Variants in DENND5A observed in about 807,000 individuals in gnomAD.
The protein encoded by DENND5A is DENN domain-containing protein 5A.
DENND5A carries 64 observed loss-of-function variants against 140.3 expected under a neutral mutation model. The observed-to-expected ratio is 0.46, with a 90% confidence interval of 0.37 to 0.56. DENND5A has a LOEUF of 0.56. DENND5A is among the 20% of genes least tolerant of loss of function. DENND5A has a pLI of 0.00. For synonymous variants in DENND5A, 605 were observed against 607.7 expected, an observed-to-expected ratio of 1.00 and a Z score of 0.07; for missense variants, 1,292 against 1,593.8, an observed-to-expected ratio of 0.81 and a Z score of 3.22.
intron 10 of DENND5A, among the ~76,000 whole-genome samples, chr11:9,167,957 T>C (rs977916645): frequency 1.3e-5 from 2 of 152,208 alleles, no homozygotes; most frequent in African/African-American, 4.8e-5. Context: ...TTGCTCCTCA[T>C]ATGGTCATTT....
intron 1 of DENND5A, among the ~76,000 whole-genome samples, chr11:9,245,681 TG>T (rs1197080572): frequency 6.6e-6 from 1 of 151,848 alleles, no homozygotes. Context: ...TCCCCTAGGC[TG>T]GAGTGCAGTG....
At position 9,147,019 on chromosome 11, in the gene DENND5A, G is replaced by A; in HGVS notation, c.2857+11C>T. The A allele has an allele frequency of 6.2e-7, 1 of 1,614,124 alleles. No homozygotes were observed. The highest frequency in any genetic ancestry group is 8.5e-7 in the Non-Finnish European group (1 of 1,179,954). On this transcript the variant is annotated intron_variant, in intron 16 of 22. Coordinates refer to ENST00000328194, the MANE Select transcript of DENND5A (RefSeq NM_015213.4). ...CTTGAGAAGGCCAGCTGGGAGCACA[G>A]GGCTACTCACGGATAGTTGTGAAGA...
At chr11:9,168,620 T>C (rs551186604) in intron 10 of DENND5A, among the ~76,000 whole-genome samples, 6 of 151,446 alleles carry the variant, frequency 4.0e-5, no homozygotes, top group African/African-American at 7.3e-5. Context: ...AAATTTCTTA[T>C]GCTACTCTCA....
At chr11:9,224,766 G>T (rs1370926815) in intron 1 of DENND5A, among the ~76,000 whole-genome samples, 1 of 150,708 alleles carries the variant, frequency 6.6e-6, no homozygotes, top group Non-Finnish European at 1.5e-5. Context: ...GCTGAGGCAA[G>T]AGAATCGCTT....
intron 4 of DENND5A, among the ~76,000 whole-genome samples, chr11:9,202,723 T>C (rs927422862): frequency 5.9e-5 from 9 of 152,172 alleles, no homozygotes; most frequent in African/African-American, 2.2e-4. Flanking sequence ...ATTCACTCCA[T>C]TCCATCCACC....
chr11:9,152,432 G>T lies in DENND5A; in HGVS notation c.2447C>A (p.Ala816Asp). The T allele has an allele frequency of 6.2e-7, 1 of 1,613,128 alleles. No individual in the cohort carries two copies. The highest frequency in any genetic ancestry group is 1.1e-5 in the South Asian group (1 of 91,072). The change falls in exon 13 of 23, where the codon GCC becomes GAC. Residue 816 changes from alanine to aspartate, a missense_variant. Physicochemically the swap from Ala to Asp is moderately radical, Grantham distance 126. Coordinates refer to ENST00000328194, the MANE Select transcript of DENND5A (RefSeq NM_015213.4). ...ATAATGTAACAGGTGGGACCATAAG[G>T]CTGATTTCCCCTGGAACCAATGCAA... is the stretch of plus-strand genomic sequence containing the variant. ...HGLQVKQGKS[A>D]LWSHLLHYQD...
rs759792997 is a variant in DENND5A at position 9,145,770 on chromosome 11, C to A, written c.2903G>T (p.Gly968Val). The change falls in exon 17 of 23, where the codon GGC becomes GTC. Residue 968 changes from glycine to valine, a missense_variant. This residue lies in a region of DENND5A where 498 missense variants were observed against 689.7 expected (regional missense o/e 0.72). Coordinates refer to ENST00000328194, the MANE Select transcript of DENND5A (RefSeq NM_015213.4). ...ILIVPSKKLG[G>V]SMFTANPWIC... ...CCATGGGTTGGCAGTGAACATGGAG[C>A]CCCCCAGCTTCTTGCTTGGTACGAT... The A allele has an allele frequency of 2.5e-6, 4 of 1,613,968 alleles. No individual in the cohort carries two copies. Among genetic ancestry groups the A allele is most frequent in the East Asian group, 4.5e-5 (2 of 44,900 alleles).
chr11:9,178,075 G>T, intron 8 of DENND5A, 57 bp downstream of exon 8: 1 of 1,183,602 alleles, frequency 8.4e-7, no homozygotes, highest in Non-Finnish European at 1.3e-6. Context: ...TAGGAAAAGG[G>T]ACATGTTAAT....
intron 8 of DENND5A, among the ~76,000 whole-genome samples, chr11:9,172,877 G>A (rs949454592): frequency 6.6e-6 from 1 of 152,034 alleles, no homozygotes; most frequent in South Asian, 2.1e-4. Flanking sequence ...GTGCTGTGGT[G>A]TGATCTTGGC....
At chr11:9,166,504 C>A (rs1848197655) in intron 10 of DENND5A, among the ~76,000 whole-genome samples, 1 of 152,036 alleles carries the variant, frequency 6.6e-6, no homozygotes, top group African/African-American at 2.4e-5. Flanking sequence ...TGATGTAAAG[C>A]ACTCCCCAAA....
intron 1 of DENND5A, among the ~76,000 whole-genome samples, chr11:9,233,663 A>G (rs1052002182): frequency 2.0e-5 from 3 of 152,116 alleles, no homozygotes; most frequent in Non-Finnish European, 4.4e-5. Context: ...GGTGAAGGCA[A>G]TGAGAAGACA....
rs1848345171 is a variant in DENND5A, at chr11:9,170,770, T to C, written c.1914A>G (p.Ala638=). Residue 638 remains alanine (A), a synonymous_variant, in exon 9 of 23, where the codon GCA becomes GCG. Coordinates refer to ENST00000328194, the MANE Select transcript of DENND5A (RefSeq NM_015213.4). The part of the protein sequence containing the change: ...KCTTVDEAEK[A]IELRLAKIDH... ...CAATTTTTGCCAGACGCAGCTCAAT[T>C]GCTTTCTCTGGATGAGAATACACAC... 2 of 1,612,906 alleles carry C rather than the reference T, an allele frequency of 1.2e-6. No homozygotes were observed. Among genetic ancestry groups the C allele is most frequent in the Admixed American group, 1.7e-5 (1 of 59,856 alleles).
intron 6 of DENND5A, 45 bp downstream of exon 6, chr11:9,180,722 C>T: frequency 6.3e-7 from 1 of 1,581,996 alleles, no homozygotes; most frequent in South Asian, 1.2e-5. Flanking sequence ...AGGACAGCAC[C>T]CTAGCACAGA....
chr11:9,257,704 G>C (rs1380373606), intron 1 of DENND5A, among the ~76,000 whole-genome samples: 1 of 150,246 alleles, frequency 6.7e-6, no homozygotes, highest in Non-Finnish European at 1.5e-5. Context: ...GGATAGTCTC[G>C]ATCTCCTGAC....
At chr11:9,176,986 G>A in intron 8 of DENND5A, 1 of 453,302 alleles carries the variant, frequency 2.2e-6, no homozygotes, top group Non-Finnish European at 4.4e-6. Flanking sequence ...TGGGCACAGT[G>A]GCTAACGCCT....
chr11:9,256,819 T>C (rs1401877123), intron 1 of DENND5A, among the ~76,000 whole-genome samples: 1 of 152,214 alleles, frequency 6.6e-6, no homozygotes, highest in African/African-American at 2.4e-5. Flanking sequence ...AAATGGATTG[T>C]AGTGTGATTG....
Position 9,199,079 on chromosome 11 carries a change from T to C in DENND5A, c.949+4581A>G, listed in dbSNP as rs112569732. On this transcript the variant is annotated intron_variant, in intron 4 of 22. Transcript: ENST00000328194. ...CTCAAAAATAATAATAAATAATAAA[T>C]AGTTTAACTATAAAATTAATTGTAC... Among the ~76,000 whole-genome samples, 1,323 of 147,256 alleles carry C rather than the reference T, an allele frequency of 9.0e-3. 93 individuals carry two copies. The highest frequency in any genetic ancestry group is 0.032 in the African/African-American group (1,274 of 39,944).
rs1048391241 is a variant in DENND5A, at chr11:9,207,159, G to A, written c.182-377C>T. 12 of 448,982 alleles carry A rather than the reference G, an allele frequency of 2.7e-5. No individual in the cohort carries two copies. The East Asian group carries it at 4.3e-4, about 16-fold the overall frequency. 27.8% of individuals were successfully genotyped at this position (448,982 alleles called of 1,614,324 possible). The stretch of plus-strand genomic sequence containing the variant: ...CTTAAAGTCAACTAAAAACATCACA[G>A]AAGCATATTTTACCTAAAATTCAGA... On this transcript the variant is annotated intron_variant, in intron 2 of 22. Coordinates refer to ENST00000328194, the MANE Select transcript of DENND5A (RefSeq NM_015213.4).
At chr11:9,182,203 C>T (rs1355941602) in intron 5 of DENND5A, among the ~76,000 whole-genome samples, 1 of 152,126 alleles carries the variant, frequency 6.6e-6, no homozygotes, top group African/African-American at 2.4e-5. Flanking sequence ...GTAATCCCAG[C>T]TACTCGGGAG....
Sources: allele counts gnomAD v4.1 joint callset (sites outside exome capture counted in the v4.1 genomes callset), GRCh38; gene constraint gnomAD v4.1.1; regional missense constraint gnomAD v4.1.1; transcripts MANE v1.5; gene names NCBI Gene and HGNC (gene_info 2026-07-23, HGNC 2026-07-21).